UBR3: variants seen among roughly 807,000 people sequenced by gnomAD.
The protein encoded by UBR3 is ubiquitin protein ligase E3 component n-recognin 3, also known as E3 ubiquitin-protein ligase UBR3.
UBR3 carries 85 observed loss-of-function variants against 243.2 expected under a neutral mutation model. That is an observed-to-expected ratio of 0.35 (90% confidence interval 0.29 to 0.42). The LOEUF (loss-of-function observed/expected upper bound fraction) is 0.42. Among genes scored for constraint, UBR3 ranks in the 10% least tolerant of loss-of-function variants. The pLI is 1.00. For missense variants in UBR3, 1,686 were observed against 2,300.8 expected (o/e 0.73, Z 5.47); for synonymous variants, 748 against 799.8 (o/e 0.94, Z 1.09).
intron 25 of UBR3, among the ~76,000 whole-genome samples, chr2:169,990,745 A>G (rs927495556): frequency 1.7e-4 from 25 of 151,282 alleles, no homozygotes; most frequent in African/African-American, 2.7e-4. Context: ...ACACACACAC[A>G]CACATAAAAG....
chr2:170,058,939 A>G (rs1037888330), intron 33 of UBR3, among the ~76,000 whole-genome samples: 12 of 152,144 alleles, frequency 7.9e-5, no homozygotes, highest in African/African-American at 2.9e-4. Context: ...AATTTAGACA[A>G]AGTATTCTAC....
chr2:169,977,687 C>T (rs1400061814), intron 24 of UBR3, among the ~76,000 whole-genome samples: 2 of 152,184 alleles, frequency 1.3e-5, no homozygotes, highest in Admixed American at 6.5e-5. Flanking sequence ...GGATAGTGCT[C>T]GCCCACAATG....
chr2:170,000,636 G>A (rs1470760426), intron 26 of UBR3, among the ~76,000 whole-genome samples: 1 of 152,208 alleles, frequency 6.6e-6, no homozygotes, highest in African/African-American at 2.4e-5. Context: ...TATATTGTCT[G>A]TGGGACATTA....
At chr2:169,972,323 T>C (rs2088195716) in intron 24 of UBR3, among the ~76,000 whole-genome samples, 1 of 152,130 alleles carries the variant, frequency 6.6e-6, no homozygotes, top group South Asian at 2.1e-4. Context: ...ACAGCCGAAT[T>C]CTACCAGAGG....
intron 25 of UBR3, among the ~76,000 whole-genome samples, chr2:169,989,056 C>T (rs1240486022): frequency 6.6e-6 from 1 of 152,176 alleles, no homozygotes; most frequent in African/African-American, 2.4e-5. Context: ...ATGTCCCCAT[C>T]TATCTTCAAC....
intron 17 of UBR3, among the ~76,000 whole-genome samples, chr2:169,927,783 C>T (rs2085965716): frequency 6.6e-6 from 1 of 151,984 alleles, no homozygotes; most frequent in South Asian, 2.1e-4. Context: ...TAAAGGTATA[C>T]CTTACGATTA....
chr2:170,038,791 T>C (rs1269767274), intron 31 of UBR3, among the ~76,000 whole-genome samples: 1 of 152,028 alleles, frequency 6.6e-6, no homozygotes, highest in Admixed American at 6.6e-5. Flanking sequence ...AGAACTTAGA[T>C]TATAGAGGGG....
At chr2:169,857,999 C>T (rs970981500) in intron 1 of UBR3, among the ~76,000 whole-genome samples, 13 of 152,146 alleles carry the variant, frequency 8.5e-5, no homozygotes, top group African/African-American at 2.9e-4. Flanking sequence ...TCAATTAGCT[C>T]TAGTTGGTTG....
intron 35 of UBR3, among the ~76,000 whole-genome samples, chr2:170,068,189 G>A (rs1251061960): frequency 6.6e-6 from 1 of 152,068 alleles, no homozygotes; most frequent in African/African-American, 2.4e-5. Flanking sequence ...AAAAAAGAAG[G>A]GCCAGGCACA....
chr2:169,828,526 G>T (rs1273277385), intron 1 of UBR3, among the ~76,000 whole-genome samples: 2 of 152,004 alleles, frequency 1.3e-5, no homozygotes, highest in Non-Finnish European at 2.9e-5. Context: ...AGGTGGTCTT[G>T]TACGTGCAGG....
At chr2:170,080,813 C>T in intron 38 of UBR3, 129 bp downstream of exon 38, 2 of 1,048,930 alleles carry the variant, frequency 1.9e-6, no homozygotes, top group South Asian at 3.9e-5. Flanking sequence ...TAATTTAGAG[C>T]TATTTCTAGT....
chr2:169,962,695 AC>A (rs2087633250), intron 24 of UBR3, among the ~76,000 whole-genome samples: 5 of 152,102 alleles, frequency 3.3e-5, no homozygotes, highest in Middle Eastern at 3.4e-3. Flanking sequence ...TCTTGTTCTT[AC>A]TATGTGTATA....
intron 31 of UBR3, among the ~76,000 whole-genome samples, chr2:170,034,433 A>T (rs1448612420): frequency 1.3e-5 from 2 of 151,982 alleles, no homozygotes; most frequent in Non-Finnish European, 2.9e-5. Flanking sequence ...ATCATACAAT[A>T]TGTAGCTTTT....
At chr2:169,872,445 A>T (rs1366198255) in intron 2 of UBR3, 70 bp downstream of exon 2, 3 of 1,140,378 alleles carry the variant, frequency 2.6e-6, no homozygotes, top group Non-Finnish European at 3.6e-6. Flanking sequence ...AGTATTAATT[A>T]TGAGGTGAAT....
intron 20 of UBR3, among the ~76,000 whole-genome samples, chr2:169,943,581 A>G (rs972873887): frequency 2.0e-5 from 3 of 152,206 alleles, no homozygotes; most frequent in Admixed American, 6.5e-5. Flanking sequence ...AGCCTGGGTG[A>G]CAGAGCAGGA....
chr2:169,842,739 T>G (rs1256250386), intron 1 of UBR3, among the ~76,000 whole-genome samples: 3 of 152,096 alleles, frequency 2.0e-5, no homozygotes, highest in Non-Finnish European at 2.9e-5. Context: ...CGAACACATC[T>G]GAACATCAGA....
At position 169,914,197 on chromosome 2, in the gene UBR3, T is replaced by G. The variant is rs1177445456; in HGVS notation, c.1866+51T>G. The stretch of plus-strand genomic sequence containing the variant: ...ATTTTTTGATGTATGTAAAGACATT[T>G]AAGAAAAGTGTTAGATTTCATTTAA... On this transcript the variant is annotated intron_variant, in intron 11 of 38. Coordinates refer to ENST00000272793, the MANE Select transcript of UBR3 (RefSeq NM_172070.4). 3 of 994,484 alleles carry G rather than the reference T, an allele frequency of 3.0e-6. No homozygotes were observed. The East Asian group carries it at 9.3e-5, about 31-fold the overall frequency. 61.6% of individuals were successfully genotyped at this position (994,484 alleles called of 1,614,324 possible).
chr2:169,879,372 G>T (rs938400929), intron 5 of UBR3, among the ~76,000 whole-genome samples: 2 of 152,006 alleles, frequency 1.3e-5, no homozygotes, highest in African/African-American at 4.8e-5. Flanking sequence ...TCTTGTAATT[G>T]ATTTAATACC....
At chr2:169,987,556 T>C (rs565039041) in intron 25 of UBR3, among the ~76,000 whole-genome samples, 1 of 151,542 alleles carries the variant, frequency 6.6e-6, no homozygotes, top group East Asian at 1.9e-4. Flanking sequence ...TAGCAGTCTA[T>C]AGTTTTAAAC....
Sources: gnomAD v4.1 joint callset for allele counts (sites outside exome capture counted in the v4.1 genomes callset) on GRCh38, gnomAD v4.1.1 for gene constraint, MANE v1.5 for transcripts, NCBI Gene and HGNC (gene_info 2026-07-23, HGNC 2026-07-21) for gene names.